The following SORBS2 variants were observed in gnomAD, a reference collection of about 807,000 sequenced individuals.
SORBS2 encodes the protein sorbin and SH3 domain-containing protein 2.
In SORBS2, 46 loss-of-function variants were observed where a neutral mutation model predicts 97.7. The ratio of observed to expected loss-of-function variants is 0.47; its 90% CI spans 0.37 to 0.60. The LOEUF is 0.60. Ranked by LOEUF, SORBS2 falls within the 20% of genes least tolerant of loss-of-function variation. The probability of loss-of-function intolerance (pLI) is 0.00; values close to 1 mark genes in which losing one functional copy is unlikely to be tolerated. For synonymous variants in SORBS2, 476 were observed against 473.4 expected, an observed-to-expected ratio of 1.01 and a Z score of -0.07; for missense variants, 1,316 against 1,282.3, an observed-to-expected ratio of 1.03 and a Z score of -0.40.
chr4:185,780,580 A>G (rs2153634336), intron 1 of SORBS2, among the ~76,000 whole-genome samples: 1 of 152,344 alleles, frequency 6.6e-6, no homozygotes, highest in South Asian at 2.1e-4. Context: ...GAGGCATGGG[A>G]CTGCAACTGC....
intron 1 of SORBS2, among the ~76,000 whole-genome samples, chr4:185,945,724 T>C (rs2099274214): frequency 6.6e-6 from 1 of 152,212 alleles, no homozygotes; most frequent in Non-Finnish European, 1.5e-5. Context: ...AAACAGGTGC[T>C]GAATGAGCAG....
chr4:185,905,057 T>A (rs931028610), intron 1 of SORBS2, among the ~76,000 whole-genome samples: 1 of 151,736 alleles, frequency 6.6e-6, no homozygotes, highest in Non-Finnish European at 1.5e-5. Context: ...TGAGCCAAGA[T>A]TGCACCACTG....
At chr4:185,759,023 G>T (rs2098847399) in intron 2 of SORBS2, among the ~76,000 whole-genome samples, 1 of 152,160 alleles carries the variant, frequency 6.6e-6, no homozygotes, top group South Asian at 2.1e-4. Flanking sequence ...TAAGCTCTGT[G>T]GGGGCAGGGA....
At chr4:185,601,383 G>C (rs2096258297) in intron 12 of SORBS2, among the ~76,000 whole-genome samples, 1 of 152,158 alleles carries the variant, frequency 6.6e-6, no homozygotes, top group Admixed American at 6.5e-5. Context: ...GCCTTCAAGG[G>C]AGAAGGTGTA....
chr4:185,623,953 G>T lies in SORBS2; in HGVS notation c.1176C>A (p.Asp392Glu). 1 of 1,614,192 alleles carries T rather than the reference G, an allele frequency of 6.2e-7. No individual in the cohort carries two copies. The highest frequency in any genetic ancestry group is 1.1e-5 in the South Asian group (1 of 91,086). ...AGCACTGGCTCCAGGCGCGCAGCAG[G>T]TCCTTGTGCTGCTGCTCGCTCTCGT... The change falls in exon 7 of 15, where the codon GAC becomes GAA. Residue 392 changes from aspartate (D) to glutamate (E), a missense_variant. Physicochemically the swap from Asp to Glu is conservative, Grantham distance 45. Transcript: ENST00000418609. The surrounding 1 kb of genome is among the most constrained non-coding windows in gnomAD (Gnocchi z 6.4).
Position 185,776,919 on chromosome 4 carries a change from G to A in SORBS2, c.-337-1553C>T, listed in dbSNP as rs995465162. 2.9e-5 allele frequency among the ~76,000 whole-genome samples: 4 copies of A among 139,900 alleles called. No homozygotes were observed. In the East Asian group the frequency reaches 8.0e-4, roughly 28 times the overall value. 91.8% of individuals were successfully genotyped at this position (139,900 alleles called of 152,430 possible). A position where few individuals can be genotyped will look rare whatever the true frequency, so the allele number is the denominator to read the frequency against. ...CATCTCAAAAAAAAAAAAAAAAAAT[G>A]CCCTGATATATTTTATAATTAATGT... On this transcript the variant is annotated intron_variant, in intron 1 of 20. Coordinates refer to the SORBS2 transcript ENST00000284776.
intron 2 of SORBS2, among the ~76,000 whole-genome samples, chr4:185,731,860 CTCTCTCTA>C (rs1222832165): frequency 7.3e-4 from 25 of 34,266 alleles, no homozygotes; most frequent in Middle Eastern, 0.014. Flanking sequence ...CTCTCTCTCT[CTCTCTCTA>C]TATATATATA....
At chr4:185,877,883 A>AAAG (rs1554045187) in intron 1 of SORBS2, among the ~76,000 whole-genome samples, 68 of 145,258 alleles carry the variant, frequency 4.7e-4, no homozygotes, top group South Asian at 1.9e-3. Context: ...ACAAAAAAAA[A>AAAG]AAAGAAAGAA....
At chr4:185,688,287 G>A (rs78251385) in intron 2 of SORBS2, among the ~76,000 whole-genome samples, 3,328 of 152,138 alleles carry the variant, frequency 0.022, 131 homozygotes, top group African/African-American at 0.076. Context: ...CTTTTTAGCC[G>A]TGGTGACCAA....
At chr4:185,689,416 C>T (rs1314705438) in intron 2 of SORBS2, among the ~76,000 whole-genome samples, 1 of 152,186 alleles carries the variant, frequency 6.6e-6, no homozygotes, top group African/African-American at 2.4e-5. Flanking sequence ...ATATTTTCTA[C>T]TTCATTCCCC....
chr4:185,756,308 A>G (rs1287386475), intron 2 of SORBS2, among the ~76,000 whole-genome samples: 3 of 152,196 alleles, frequency 2.0e-5, no homozygotes, highest in African/African-American at 7.2e-5. Context: ...TCCCCTTAGT[A>G]TAGCTATAAT....
At chr4:185,805,618 T>C (rs940538916) in intron 1 of SORBS2, among the ~76,000 whole-genome samples, 1 of 152,212 alleles carries the variant, frequency 6.6e-6, no homozygotes, top group Non-Finnish European at 1.5e-5. Flanking sequence ...GGTTTAAGCC[T>C]GGCGCTCTAG....
intron 4 of SORBS2, chr4:185,677,161 G>T: frequency 6.4e-7 from 1 of 1,551,712 alleles, no homozygotes; most frequent in South Asian, 1.2e-5. Flanking sequence ...GATGCTGTGT[G>T]TGTCTCAGGC....
intron 1 of SORBS2, among the ~76,000 whole-genome samples, chr4:185,922,358 G>A (rs1443248146): frequency 6.6e-6 from 1 of 152,184 alleles, no homozygotes; most frequent in East Asian, 1.9e-4. Flanking sequence ...ACTGGGCAGA[G>A]CAGCCCTGGG....
chr4:185,701,378 C>T (rs1200123005), intron 2 of SORBS2, among the ~76,000 whole-genome samples: 8 of 152,220 alleles, frequency 5.3e-5, no homozygotes, highest in Admixed American at 4.6e-4. Flanking sequence ...TGGGACTCAG[C>T]CTGTTCTCCT....
intron 1 of SORBS2, among the ~76,000 whole-genome samples, chr4:185,952,455 C>G (rs1453627552): frequency 6.6e-6 from 1 of 152,224 alleles, no homozygotes. Context: ...TTGCCCATGC[C>G]TGGGCAATAC....
At chr4:185,921,302 G>A (rs1256346535) in intron 1 of SORBS2, among the ~76,000 whole-genome samples, 1 of 152,210 alleles carries the variant, frequency 6.6e-6, no homozygotes, top group Non-Finnish European at 1.5e-5. Flanking sequence ...ATATCTGTAA[G>A]TACGTGACAA....
At chr4:185,767,673 A>G (rs1410346831) in intron 2 of SORBS2, among the ~76,000 whole-genome samples, 1 of 152,128 alleles carries the variant, frequency 6.6e-6, no homozygotes, top group East Asian at 1.9e-4. Context: ...ACAGGGCAGT[A>G]CTGACTGCCC....
chr4:185,703,009 A>G (rs1162547128), intron 2 of SORBS2, among the ~76,000 whole-genome samples: 1 of 152,206 alleles, frequency 6.6e-6, no homozygotes, highest in East Asian at 1.9e-4. Context: ...CGTGCTTCTG[A>G]TAGCATCATG....
Sources: allele counts gnomAD v4.1 joint callset (sites outside exome capture counted in the v4.1 genomes callset), GRCh38; gene constraint gnomAD v4.1.1; non-coding constraint Gnocchi (gnomAD v3.1); transcripts MANE v1.5; gene names NCBI Gene and HGNC (gene_info 2026-07-23, HGNC 2026-07-21).